HSPBP1: variants seen among roughly 807,000 people sequenced by gnomAD.
HSPBP1 encodes the protein hsp70-binding protein 1.
HSPBP1 carries 31 observed loss-of-function variants against 41.7 expected under a neutral mutation model. The observed-to-expected ratio is 0.74, with a 90% confidence interval of 0.56 to 1.00. The LOEUF is 1.00. HSPBP1 is among the 50% of genes least tolerant of loss of function. The probability of loss-of-function intolerance (pLI) is 0.00; values close to 1 mark genes in which losing one functional copy is unlikely to be tolerated. For synonymous variants in HSPBP1, 199 were observed against 214.4 expected, an observed-to-expected ratio of 0.93 and a Z score of 0.63; for missense variants, 439 against 487.9, an observed-to-expected ratio of 0.90 and a Z score of 0.94.
intron 4 of HSPBP1, among the ~76,000 whole-genome samples, chr19:55,269,343 A>C (rs1269602695): frequency 1.3e-5 from 2 of 151,982 alleles, no homozygotes; most frequent in Non-Finnish European, 2.9e-5. Flanking sequence ...CCCTACCACA[A>C]CCTTGATCTC....
chr19:55,274,281 T>C (rs2088001608), intron 4 of HSPBP1, 117 bp downstream of exon 4: 1 of 1,004,008 alleles, frequency 1.0e-6, no homozygotes, highest in African/African-American at 1.6e-5. Context: ...CCAACAAGCA[T>C]GGGAACAAAC....
At chr19:55,277,975 T>A in intron 2 of HSPBP1, 129 bp from the exon 3 acceptor site, 1 of 812,904 alleles carries the variant, frequency 1.2e-6, no homozygotes, top group East Asian at 2.9e-5. Flanking sequence ...GGCTGGGAGC[T>A]GTGGCTCATC....
intron 7 of HSPBP1, among the ~76,000 whole-genome samples, chr19:55,265,038 C>T (rs543841225): frequency 6.6e-6 from 1 of 150,684 alleles, no homozygotes; most frequent in Admixed American, 6.6e-5. Flanking sequence ...TCTGGAGCCG[C>T]TGTCCCCTCC....
In HSPBP1 at chr19:55,268,704, GCT is replaced by G. The variant is rs1555887783; in HGVS notation, c.641-2420_641-2419del. On this transcript the variant is annotated intron_variant, in intron 4 of 7. Coordinates refer to ENST00000433386, the MANE Select transcript of HSPBP1 (RefSeq NM_012267.5). This position sits in a 1 kb window ranked among gnomAD's most constrained non-coding sequence, Gnocchi z 4.5. ...TATTTCATTTTTGAGACAGAGTCTCGCTCTGTCGCCCAGGCTGGAGTGCAGTG... is the reference window on the plus strand; with the variant it reads ...TATTTCATTTTTGAGACAGAGTCTCGCTGTCGCCCAGGCTGGAGTGCAGTG... Among the ~76,000 whole-genome samples the G allele has an allele frequency of 1.3e-5, 2 of 151,916 alleles. No individual in the cohort carries two copies. Among genetic ancestry groups the G allele is most frequent in the Non-Finnish European group, 2.9e-5 (2 of 67,990 alleles).
intron 4 of HSPBP1, among the ~76,000 whole-genome samples, chr19:55,267,936 G>A (rs896643409): frequency 6.6e-6 from 1 of 152,184 alleles, no homozygotes; most frequent in African/African-American, 2.4e-5. Context: ...CCTTTGGAGT[G>A]CACCTCCAGT....
At chr19:55,273,500 C>T (rs2087979542) in intron 4 of HSPBP1, among the ~76,000 whole-genome samples, 2 of 152,182 alleles carry the variant, frequency 1.3e-5, no homozygotes, top group African/African-American at 4.8e-5. Flanking sequence ...CGATCCCTCC[C>T]GTGTGGAGGA....
Position 55,272,913 on chromosome 19 carries a change from GA to G in HSPBP1, c.640+1484del, listed in dbSNP as rs2087963380. On this transcript the variant is annotated intron_variant, in intron 4 of 7. Transcript: ENST00000433386. This position sits in a 1 kb window ranked among gnomAD's most constrained non-coding sequence, Gnocchi z 4.2. ...TGACTGCCGATAGCCATACCACCCC[GA>G]ACGCGTCTGATCACATCTAAAATTA... Among the ~76,000 whole-genome samples, 1 of 151,930 alleles carries G rather than the reference GA, an allele frequency of 6.6e-6. No individual in the cohort carries two copies. The highest frequency in any genetic ancestry group is 1.5e-5 in the Non-Finnish European group (1 of 68,028).
At chr19:55,263,526 A>T (rs1487721540) in intron 7 of HSPBP1, among the ~76,000 whole-genome samples, 2 of 152,204 alleles carry the variant, frequency 1.3e-5, no homozygotes, top group Non-Finnish European at 2.9e-5. Flanking sequence ...AACATATACA[A>T]AAGGTTATTC....
In HSPBP1 at chr19:55,262,486, C is replaced by CT; in HGVS notation, c.*121dup. On this transcript the variant is annotated 3_prime_UTR_variant, in exon 8 of 8. Transcript: ENST00000433386. ...CTTCCAGGGACTGCACAGAGACGGG[C>CT]TGGCACACCCTGGGTCCAGGCACCT... 1 of 1,491,576 alleles carries CT rather than the reference C, an allele frequency of 6.7e-7. No individual in the cohort carries two copies. The highest frequency in any genetic ancestry group is 9.0e-7 in the Non-Finnish European group (1 of 1,117,246). The allele number at this position is 1,491,576 out of a possible 1,614,324, so 92.4% of individuals were successfully genotyped here. A position where few individuals can be genotyped will look rare whatever the true frequency, so the allele number is the denominator to read the frequency against.
chr19:55,271,127 GGTTT>G (rs2087913973), intron 4 of HSPBP1, among the ~76,000 whole-genome samples: 1 of 152,152 alleles, frequency 6.6e-6, no homozygotes, highest in South Asian at 2.1e-4. Context: ...ATGGGGACCA[GGTTT>G]GGGGACAGGG....
chr19:55,262,676 G>A lies in HSPBP1; in HGVS notation c.1012C>T (p.Leu338=), dbSNP rs771150556. The change falls in exon 8 of 8, where the codon CTG becomes TTG. Residue 338 remains leucine, a synonymous_variant. Transcript: ENST00000433386. ...TGTAGCAGCTTTTCACAGAACTCCA[G>A]CTCCTCCTGGATTGGGCAGGGGCAG... ...LQQHEEYQEE[L]EFCEKLLQTC... is the part of the protein sequence containing the mutation. The A allele has an allele frequency of 6.2e-7, 1 of 1,612,886 alleles. No homozygotes were observed. The highest frequency in any genetic ancestry group is 8.5e-7 in the Non-Finnish European group (1 of 1,179,414).
rs746189609 is a variant in HSPBP1, at chr19:55,279,445, G to C, written c.164C>G (p.Ala55Gly). ...AGGAGGGTCTGGCTCTTCAGAGCCCGCGGTGATGGCCATCTGCAGCAAGCC... is the reference window on the plus strand; with the variant it reads ...AGGAGGGTCTGGCTCTTCAGAGCCCCCGGTGATGGCCATCTGCAGCAAGCC... ...LQGLLQMAITAGSEEPDPPPE... is the reference protein window; with the variant it reads ...LQGLLQMAITGGSEEPDPPPE... The change falls in exon 2 of 8, where the codon GCG becomes GGG. Residue 55 changes from alanine to glycine, a missense_variant. Transcript: ENST00000433386. The C allele has an allele frequency of 6.2e-7, 1 of 1,604,936 alleles. No homozygotes were observed. Among genetic ancestry groups the C allele is most frequent in the South Asian group, 1.1e-5 (1 of 90,092 alleles).
In HSPBP1 at chr19:55,274,535, A is replaced by G; in HGVS notation, c.503T>C (p.Leu168Pro). The G allele has an allele frequency of 6.2e-7, 1 of 1,608,710 alleles. No individual in the cohort carries two copies. Reference protein sequence around the residue: ...AAGLRWRAAQLIGTCSQNVAA... With the variant: ...AAGLRWRAAQPIGTCSQNVAA... ...CACGTTCTGACTGCACGTGCCGATGAGCTGTGCCGCCCGCCACCGCAGTCC... is the reference window on the plus strand; with the variant it reads ...CACGTTCTGACTGCACGTGCCGATGGGCTGTGCCGCCCGCCACCGCAGTCC... Residue 168 changes from leucine to proline, a missense_variant, in exon 4 of 8, where the codon CTC (leucine) becomes CCC (proline). Physicochemically the swap from Leu to Pro is moderately conservative, Grantham distance 98. Coordinates refer to ENST00000433386, the MANE Select transcript of HSPBP1 (RefSeq NM_012267.5).
In HSPBP1 at chr19:55,274,379, G is replaced by GGGCCCCCCC; in HGVS notation, c.640+18_640+19insGGGGGGGCC. 2 of 215,128 alleles carry GGGCCCCCCC rather than the reference G, an allele frequency of 9.3e-6. No individual in the cohort carries two copies. The highest frequency in any genetic ancestry group is 1.4e-5 in the Non-Finnish European group (2 of 146,990). 13.3% of individuals were successfully genotyped at this position (215,128 alleles called of 1,614,324 possible). ...CCCACCGCCAGCACCCCTGTCCCCA[G>GGGCCCCCCC]CCCCACCCGGACACTCACAGGAGAT... On this transcript the variant is annotated intron_variant, in intron 4 of 7. Transcript: ENST00000433386.
chr19:55,274,109 C>T (rs1464614461), intron 4 of HSPBP1, among the ~76,000 whole-genome samples: 6 of 152,016 alleles, frequency 3.9e-5, no homozygotes, highest in Admixed American at 3.9e-4. Flanking sequence ...TGAACCAGCG[C>T]CAGTGTGAAC....
chr19:55,264,643 T>C, intron 7 of HSPBP1, among the ~76,000 whole-genome samples: 1 of 152,336 alleles, frequency 6.6e-6, no homozygotes, highest in East Asian at 1.9e-4. Flanking sequence ...ATTTGAGTGA[T>C]ATTATATTCA....
chr19:55,265,372 G>A lies in HSPBP1; in HGVS notation c.911C>T (p.Pro304Leu), dbSNP rs1224933821. ...GALCSLVTDF[P>L]QGVRECREPE... ...CTCCCGACACTCGCGCACACCCTGC[G>A]GAAAGTCTGTCACCAGGCTGTGAGG... The change falls in exon 7 of 8, where the codon CCG becomes CTG. Residue 304 changes from proline (P) to leucine (L), a missense_variant. By Grantham distance (98) the Pro-to-Leu change is moderately conservative. Coordinates refer to ENST00000433386, the MANE Select transcript of HSPBP1 (RefSeq NM_012267.5). The A allele has an allele frequency of 8.7e-6, 14 of 1,613,236 alleles. No homozygotes were observed. Among genetic ancestry groups the A allele is most frequent in the African/African-American group, 1.3e-5 (1 of 74,950 alleles).
chr19:55,274,978 A>T (rs761777047), intron 3 of HSPBP1, among the ~76,000 whole-genome samples: 23 of 152,088 alleles, frequency 1.5e-4, no homozygotes, highest in Non-Finnish European at 2.4e-4. Context: ...GAGAAAATAC[A>T]TTTCTGTTTT....
intron 6 of HSPBP1, 56 bp from the exon 7 acceptor site, chr19:55,265,445 C>A: frequency 1.5e-6 from 2 of 1,375,346 alleles, no homozygotes; most frequent in Non-Finnish European, 2.1e-6. Flanking sequence ...CTCACTGACC[C>A]AACCCTATCG....
Sources: allele counts gnomAD v4.1 joint callset (sites outside exome capture counted in the v4.1 genomes callset), GRCh38; gene constraint gnomAD v4.1.1; non-coding constraint Gnocchi (gnomAD v3.1); transcripts MANE v1.5; gene names NCBI Gene and HGNC (gene_info 2026-07-23, HGNC 2026-07-21).